ME3: variants seen among roughly 807,000 people sequenced by gnomAD.
ME3 encodes the protein malic enzyme 3.
ME3 carries 48 observed loss-of-function variants against 68.9 expected under a neutral mutation model. The observed-to-expected ratio is 0.70, with a 90% confidence interval of 0.55 to 0.89. The LOEUF (loss-of-function observed/expected upper bound fraction) is 0.89, where lower values mean the gene tolerates loss of function less well. Ranked by LOEUF, ME3 falls within the 40% of genes least tolerant of loss-of-function variation. The pLI, the probability that ME3 is intolerant of heterozygous loss-of-function variation, is 0.00. For missense variants in ME3, 675 were observed against 797.4 expected (o/e 0.85, Z 1.85); for synonymous variants, 320 against 318.8 (o/e 1.00, Z -0.04).
intron 2 of ME3, among the ~76,000 whole-genome samples, chr11:86,651,626 A>G (rs543813420): frequency 1.3e-5 from 2 of 152,378 alleles, no homozygotes; most frequent in East Asian, 3.9e-4. Flanking sequence ...AAAAGTAGAT[A>G]AAACCACAAA....
chr11:86,487,827 A>T (rs537796669), intron 6 of ME3, among the ~76,000 whole-genome samples: 1 of 152,228 alleles, frequency 6.6e-6, no homozygotes, highest in African/African-American at 2.4e-5. Context: ...GATATTTATC[A>T]GCATCTCTGG....
intron 2 of ME3, among the ~76,000 whole-genome samples, chr11:86,606,225 A>AT (rs1287920832): frequency 3.3e-5 from 5 of 152,188 alleles, no homozygotes; most frequent in Admixed American, 1.3e-4. Flanking sequence ...ATGAGGATTA[A>AT]TTTTATAAAT....
Position 86,482,449 on chromosome 11 carries a change from C to T in ME3, c.809+4888G>A, listed in dbSNP as rs12280733. On this transcript the variant is annotated intron_variant, in intron 7 of 14. Transcript: ENST00000543262. ...GTAACTGAGTTATTCTTTTCTCACG[C>T]CTTCCTATAGTGAGGGCTGCCCCAT... Among the ~76,000 whole-genome samples the T allele has an allele frequency of 8.9e-3, 1,359 of 152,024 alleles. 27 individuals carry two copies. The highest frequency in any genetic ancestry group is 0.031 in the African/African-American group (1,273 of 41,420).
At chr11:86,647,671 T>C (rs957916155) in intron 2 of ME3, among the ~76,000 whole-genome samples, 1 of 152,012 alleles carries the variant, frequency 6.6e-6, no homozygotes, top group Non-Finnish European at 1.5e-5. Flanking sequence ...GGGCATTACA[T>C]AATGGTAAAA....
chr11:86,651,204 T>A (rs553522764), intron 2 of ME3, among the ~76,000 whole-genome samples: 52 of 152,334 alleles, frequency 3.4e-4, no homozygotes, highest in African/African-American at 1.2e-3. Context: ...CAGAAACCTC[T>A]GCAGACTTAA....
chr11:86,522,241 C>T (rs1954371488), intron 4 of ME3, among the ~76,000 whole-genome samples: 2 of 112,672 alleles, frequency 1.8e-5, no homozygotes, highest in African/African-American at 7.1e-5. Flanking sequence ...CAGAACAAGA[C>T]TCTGTCTCAA....
intron 4 of ME3, 43 bp downstream of exon 4, chr11:86,556,510 A>C (rs749033587): frequency 6.3e-7 from 1 of 1,592,842 alleles, no homozygotes; most frequent in East Asian, 2.2e-5. Context: ...ATTCCCCTCT[A>C]TGAGGCAGCC....
chr11:86,539,816 C>T (rs1354970052), intron 4 of ME3, among the ~76,000 whole-genome samples: 1 of 152,178 alleles, frequency 6.6e-6, no homozygotes, highest in Non-Finnish European at 1.5e-5. Flanking sequence ...GGTGTCCAAC[C>T]TTTTGGCTTC....
intron 2 of ME3, among the ~76,000 whole-genome samples, chr11:86,632,293 G>A (rs1019500558): frequency 1.3e-5 from 2 of 152,126 alleles, no homozygotes; most frequent in African/African-American, 2.4e-5. Context: ...GGGAAGTAGT[G>A]GGGAACTGCC....
chr11:86,536,871 G>C (rs1955700823), intron 4 of ME3, among the ~76,000 whole-genome samples: 1 of 152,182 alleles, frequency 6.6e-6, no homozygotes, highest in African/African-American at 2.4e-5. Flanking sequence ...CAATAGCAAA[G>C]ATTTGGAACC....
intron 3 of ME3, 82 bp from the exon 4 acceptor site, chr11:86,556,784 G>C: frequency 6.8e-7 from 1 of 1,476,662 alleles, no homozygotes. Flanking sequence ...AAAGACCCAA[G>C]GCTCCTGTTC....
At chr11:86,549,436 TA>T (rs1198243250) in intron 4 of ME3, among the ~76,000 whole-genome samples, 6 of 152,244 alleles carry the variant, frequency 3.9e-5, no homozygotes, top group African/African-American at 1.2e-4. Flanking sequence ...AACCTGACTC[TA>T]AAGTCTAAAC....
chr11:86,520,354 C>A (rs189497287), intron 4 of ME3, among the ~76,000 whole-genome samples: 297 of 152,312 alleles, frequency 1.9e-3, no homozygotes, highest in Non-Finnish European at 3.2e-3. Flanking sequence ...TTCTGCTTTG[C>A]GCCAGGCATT....
intron 3 of ME3, 54 bp from the exon 4 acceptor site, chr11:86,556,756 G>T: frequency 1.9e-6 from 3 of 1,578,284 alleles, no homozygotes; most frequent in South Asian, 2.3e-5. Flanking sequence ...AGGCCCTGAT[G>T]CCTCTGTGGT....
At chr11:86,487,288 G>T (rs747378268) in intron 7 of ME3, 49 bp downstream of exon 7, 2 of 1,465,312 alleles carry the variant, frequency 1.4e-6, no homozygotes, top group Non-Finnish European at 1.9e-6. Flanking sequence ...CTTTAGTCAC[G>T]GCATCTCTTA....
At position 86,442,801 on chromosome 11, in the gene ME3, A is replaced by G; in HGVS notation, c.1653+20T>C. 1 of 1,582,900 alleles carries G rather than the reference A, an allele frequency of 6.3e-7. No individual in the cohort carries two copies. The highest frequency in any genetic ancestry group is 8.7e-7 in the Non-Finnish European group (1 of 1,152,480). ...GGTTGAGCCTCACTACCCATATTAC[A>G]GGGGTAGGATGCCCCTTACTTTGAT... On this transcript the variant is annotated intron_variant, in intron 14 of 14. Transcript: ENST00000543262.
At chr11:86,526,183 T>C (rs949084156) in intron 4 of ME3, among the ~76,000 whole-genome samples, 18 of 152,232 alleles carry the variant, frequency 1.2e-4, no homozygotes, top group Non-Finnish European at 1.8e-4. Context: ...TACTGCGCTG[T>C]TCCAACAGTC....
intron 2 of ME3, among the ~76,000 whole-genome samples, chr11:86,665,794 G>A (rs1443359391): frequency 1.3e-5 from 2 of 151,908 alleles, no homozygotes; most frequent in Non-Finnish European, 2.9e-5. Context: ...CTGAAGACAG[G>A]GTAACAGGAT....
At chr11:86,577,923 C>T (rs145721121) in intron 2 of ME3, among the ~76,000 whole-genome samples, 5 of 152,260 alleles carry the variant, frequency 3.3e-5, no homozygotes, top group African/African-American at 4.8e-5. Flanking sequence ...AAATGCCATA[C>T]AACAACATTT....
Sources: allele counts gnomAD v4.1 joint callset (sites outside exome capture counted in the v4.1 genomes callset), GRCh38; gene constraint gnomAD v4.1.1; transcripts MANE v1.5; gene names NCBI Gene and HGNC (gene_info 2026-07-23, HGNC 2026-07-21).